The following ZNF431 variants were observed in gnomAD, a reference collection of about 807,000 sequenced individuals.
ZNF431 encodes zinc finger protein 431.
A neutral mutation model predicts 57.0 loss-of-function variants in ZNF431; 34 were observed. The observed-to-expected ratio is 0.60, with a 90% confidence interval of 0.45 to 0.79. The LOEUF (loss-of-function observed/expected upper bound fraction) is 0.79, where lower values mean the gene tolerates loss of function less well. Among genes scored for constraint, ZNF431 ranks in the 30% least tolerant of loss-of-function variants. The probability of loss-of-function intolerance (pLI) is 0.00; values close to 1 mark genes in which losing one functional copy is unlikely to be tolerated. For missense variants in ZNF431, 607 were observed against 667.1 expected (o/e 0.91, Z 0.99); for synonymous variants, 207 against 220.3 (o/e 0.94, Z 0.54).
chr19:21,156,303 C>T (rs1260231886), intron 2 of ZNF431, among the ~76,000 whole-genome samples: 7 of 152,174 alleles, frequency 4.6e-5, no homozygotes, highest in Non-Finnish European at 2.9e-5. Context: ...CCCACCTGGG[C>T]CACCATCTGT....
chr19:21,166,683 T>G (rs998933052), intron 3 of ZNF431, among the ~76,000 whole-genome samples: 7 of 152,192 alleles, frequency 4.6e-5, no homozygotes, highest in Non-Finnish European at 7.3e-5. Flanking sequence ...TCCTTCACTC[T>G]AGATTAGTGA....
chr19:21,170,900 C>A (rs1298584979), intron 4 of ZNF431, among the ~76,000 whole-genome samples: 3 of 152,172 alleles, frequency 2.0e-5, no homozygotes, highest in Non-Finnish European at 2.9e-5. Flanking sequence ...GTCTCGAACT[C>A]CTGACCTTGT....
intron 2 of ZNF431, among the ~76,000 whole-genome samples, chr19:21,147,570 TTGTC>T (rs1226020207): frequency 1.3e-5 from 2 of 150,540 alleles, no homozygotes; most frequent in African/African-American, 2.4e-5. Context: ...CACAAGATGA[TTGTC>T]TGGATGGCAA....
intron 2 of ZNF431, among the ~76,000 whole-genome samples, chr19:21,157,547 T>A (rs1201951176): frequency 1.3e-5 from 2 of 151,988 alleles, no homozygotes; most frequent in African/African-American, 4.8e-5. Context: ...TTTTTTCTTT[T>A]TTTTTAGACA....
At chr19:21,171,911 G>A (rs1176428833) in intron 4 of ZNF431, among the ~76,000 whole-genome samples, 6 of 150,160 alleles carry the variant, frequency 4.0e-5, no homozygotes, top group Non-Finnish European at 8.9e-5. Context: ...TAGTAGAGAT[G>A]GGATTTCACC....
chr19:21,186,442 G>GTA lies in ZNF431; in HGVS notation c.*2410_*2411dup, dbSNP rs1190777091. On this transcript the variant is annotated 3_prime_UTR_variant, in exon 5 of 5. Coordinates refer to ENST00000311048, the MANE Select transcript of ZNF431 (RefSeq NM_133473.4). ...AGGTGTAAGAAAATTATGGAGTTAA[G>GTA]TATGTGTGTGTGAGTATGAGTTTGT... The GTA allele has an allele frequency of 6.6e-6, 1 of 152,188 alleles. No homozygotes were observed. Among genetic ancestry groups the GTA allele is most frequent in the East Asian group, 1.9e-4 (1 of 5,200 alleles). The allele number at this position is 152,188 out of a possible 1,614,324, so 9.4% of individuals were successfully genotyped here. A position where few individuals can be genotyped will look rare whatever the true frequency, so the allele number is the denominator to read the frequency against.
Position 21,166,314 on chromosome 19 carries a change from C to T in ZNF431, c.97-21C>T, listed in dbSNP as rs754275714. The T allele has an allele frequency of 3.1e-6, 5 of 1,609,916 alleles. No homozygotes were observed. In the South Asian group the frequency reaches 5.5e-5, roughly 18 times the overall value. Reference sequence around the variant, plus strand: ...GGCCACTTGGTAAATATATGTGTGTCTCTGTGCTTGTGTTTTTCAGGAGAC... The same window carrying T: ...GGCCACTTGGTAAATATATGTGTGTTTCTGTGCTTGTGTTTTTCAGGAGAC... On this transcript the variant is annotated intron_variant, in intron 2 of 4. Transcript: ENST00000311048.
Position 21,189,922 on chromosome 19 carries a change from T to C in ZNF431, c.*5888T>C, listed in dbSNP as rs1438317778. The C allele has an allele frequency of 1.0e-5, 4 of 397,946 alleles. 1 individual carries two copies. In the South Asian group the frequency reaches 5.4e-4, roughly 54 times the overall value. The allele number at this position is 397,946 out of a possible 1,614,324, so 24.7% of individuals were successfully genotyped here. A position where few individuals can be genotyped will look rare whatever the true frequency, so the allele number is the denominator to read the frequency against. On this transcript the variant is annotated 3_prime_UTR_variant, in exon 5 of 5. Coordinates refer to ENST00000311048, the MANE Select transcript of ZNF431 (RefSeq NM_133473.4). The stretch of plus-strand genomic sequence containing the variant: ...GCTCTGGGAGGCCAAGGCCAGTGGA[T>C]TGCTTGAGCCCAGGAGTTTGAGACC...
intron 2 of ZNF431, among the ~76,000 whole-genome samples, chr19:21,165,318 A>G (rs933617215): frequency 2.0e-5 from 3 of 152,160 alleles, no homozygotes; most frequent in African/African-American, 7.2e-5. Context: ...GTTTCATCTA[A>G]ACCCAGGAAG....
chr19:21,167,171 T>C (rs1318369597), intron 3 of ZNF431, among the ~76,000 whole-genome samples: 1 of 152,020 alleles, frequency 6.6e-6, no homozygotes, highest in Non-Finnish European at 1.5e-5. Flanking sequence ...ACACTTTTTT[T>C]TTTTTTTGAG....
intron 4 of ZNF431, among the ~76,000 whole-genome samples, chr19:21,176,734 G>A (rs1368206821): frequency 6.6e-6 from 1 of 151,916 alleles, no homozygotes. Flanking sequence ...GTCCTGCTCT[G>A]TCACCCAGGC....
intron 2 of ZNF431, among the ~76,000 whole-genome samples, chr19:21,159,339 A>G (rs1298022906): frequency 6.7e-6 from 1 of 150,268 alleles, no homozygotes; most frequent in East Asian, 2.0e-4. Flanking sequence ...TGATATATAT[A>G]TATAGTATAC....
chr19:21,164,787 A>G (rs547599218), intron 2 of ZNF431, among the ~76,000 whole-genome samples: 1 of 151,994 alleles, frequency 6.6e-6, no homozygotes, highest in Non-Finnish European at 1.5e-5. Flanking sequence ...ACTTTAAAAA[A>G]TTCTTGTAAT....
chr19:21,154,023 C>A (rs1970350261), intron 2 of ZNF431, among the ~76,000 whole-genome samples: 1 of 152,024 alleles, frequency 6.6e-6, no homozygotes, highest in Non-Finnish European at 1.5e-5. Context: ...TTGGGAGTCC[C>A]CAATTTTTTT....
At chr19:21,182,553 G>A (rs1971234553) in intron 4 of ZNF431, 70 bp from the exon 5 acceptor site, 2 of 1,462,108 alleles carry the variant, frequency 1.4e-6, no homozygotes, top group Non-Finnish European at 1.8e-6. Flanking sequence ...GTATAATGTA[G>A]GTTAGATTTG....
intron 4 of ZNF431, among the ~76,000 whole-genome samples, chr19:21,174,211 T>G (rs1047807690): frequency 7.2e-5 from 11 of 152,190 alleles, no homozygotes; most frequent in African/African-American, 2.4e-4. Context: ...AAACCTTCTT[T>G]CTTTGTAAGT....
Position 21,183,178 on chromosome 19 carries a change from A to G in ZNF431, c.875A>G (p.Glu292Gly), listed in dbSNP as rs1316093308. 1 of 1,614,022 alleles carries G rather than the reference A, an allele frequency of 6.2e-7. No individual in the cohort carries two copies. Among genetic ancestry groups the G allele is most frequent in the Admixed American group, 1.7e-5 (1 of 60,016 alleles). Residue 292 changes from glutamate (E) to glycine (G), a missense_variant, in exon 5 of 5, where the codon GAA (glutamate) becomes GGA (glycine). Coordinates refer to ENST00000311048, the MANE Select transcript of ZNF431 (RefSeq NM_133473.4). ...GGGGAGAAACCATATAGATGTGAAG[A>G]ATGTGGCAAAGCCTTCAACCGGTCC... The part of the protein sequence containing the change: ...HTGEKPYRCE[E>G]CGKAFNRSSH...
At chr19:21,166,794 A>C (rs1413158163) in intron 3 of ZNF431, among the ~76,000 whole-genome samples, 1 of 152,224 alleles carries the variant, frequency 6.6e-6, no homozygotes, top group African/African-American at 2.4e-5. Flanking sequence ...AAAAACCTAC[A>C]AATTTAAAAT....
intron 2 of ZNF431, among the ~76,000 whole-genome samples, chr19:21,164,658 C>T (rs1165224466): frequency 2.0e-5 from 3 of 151,980 alleles, no homozygotes; most frequent in Non-Finnish European, 4.4e-5. Flanking sequence ...GGCTTCTTTT[C>T]AGCTAAACAT....
Sources: allele counts gnomAD v4.1 joint callset (sites outside exome capture counted in the v4.1 genomes callset), GRCh38; gene constraint gnomAD v4.1.1; transcripts MANE v1.5; gene names NCBI Gene and HGNC (gene_info 2026-07-23, HGNC 2026-07-21).